The following DLG5 variants were observed in gnomAD, a reference collection of about 807,000 sequenced individuals.
The protein encoded by DLG5 is disks large homolog 5.
A neutral mutation model predicts 189.8 loss-of-function variants in DLG5; 48 were observed. The observed-to-expected ratio is 0.25, with a 90% CI of 0.20 to 0.32. The LOEUF (loss-of-function observed/expected upper bound fraction) is 0.32. DLG5 is among the 10% of genes least tolerant of loss of function. The pLI is 1.00. For synonymous variants in DLG5, 1,016 were observed against 1,054.1 expected, an observed-to-expected ratio of 0.96 and a Z score of 0.70; for missense variants, 2,160 against 2,544.7, an observed-to-expected ratio of 0.85 and a Z score of 3.25.
At chr10:77,909,487 C>G (rs1846155368) in intron 1 of DLG5, among the ~76,000 whole-genome samples, 1 of 151,752 alleles carries the variant, frequency 6.6e-6, no homozygotes, top group Admixed American at 6.6e-5. Context: ...ACATGTACCC[C>G]AGAACTTAAA....
chr10:77,912,411 G>C (rs1280313231), intron 1 of DLG5: 1 of 151,988 alleles, frequency 6.6e-6, no homozygotes, highest in African/African-American at 2.4e-5. Flanking sequence ...CCTGCTCCCA[G>C]GGTCACCATA....
Position 77,839,426 on chromosome 10 carries a change from G to A in DLG5, c.1437+2455C>T, listed in dbSNP as rs1020859341. 6.6e-5 allele frequency among the ~76,000 whole-genome samples: 10 copies of A among 152,188 alleles called. No individual in the cohort carries two copies. The East Asian group carries it at 1.4e-3, about 21-fold the overall frequency. ...TGAGGCAAGAGGATCGCTGGAACCC[G>A]GCAGGTGGAGGTTGTAGTGAGCCGA... On this transcript the variant is annotated intron_variant, in intron 7 of 31. Coordinates refer to ENST00000372391, the MANE Select transcript of DLG5 (RefSeq NM_004747.4).
At chr10:77,869,482 G>A in intron 1 of DLG5, 1 of 437,166 alleles carries the variant, frequency 2.3e-6, no homozygotes. Context: ...CTGGGGAAAG[G>A]CTTAGCAAGG....
chr10:77,826,399 G>C (rs1271515881), intron 13 of DLG5, among the ~76,000 whole-genome samples: 2 of 151,944 alleles, frequency 1.3e-5, no homozygotes, highest in African/African-American at 4.8e-5. Context: ...GAGGCTGAGG[G>C]CAGATCGTTT....
intron 1 of DLG5, among the ~76,000 whole-genome samples, chr10:77,916,184 C>T (rs1846351893): frequency 6.6e-6 from 1 of 152,138 alleles, no homozygotes; most frequent in East Asian, 1.9e-4. Flanking sequence ...CATGCCACTG[C>T]ACTCAGCCCA....
At chr10:77,915,723 TGAAA>T (rs1846338940) in intron 1 of DLG5, among the ~76,000 whole-genome samples, 2 of 152,318 alleles carry the variant, frequency 1.3e-5, no homozygotes, top group African/African-American at 4.8e-5. Context: ...CTAGGCCTTT[TGAAA>T]GAAAGTCTCA....
chr10:77,907,072 C>G (rs1846090399), intron 1 of DLG5, among the ~76,000 whole-genome samples: 1 of 152,160 alleles, frequency 6.6e-6, no homozygotes, highest in Non-Finnish European at 1.5e-5. Flanking sequence ...TCAAGTTGCT[C>G]TAAAGGTTGC....
chr10:77,921,944 T>C (rs1846547133), intron 1 of DLG5, among the ~76,000 whole-genome samples: 1 of 151,992 alleles, frequency 6.6e-6, no homozygotes. Flanking sequence ...ACTTGAGGAG[T>C]CCCACATTTA....
At chr10:77,885,499 C>G (rs572425774) in intron 1 of DLG5, among the ~76,000 whole-genome samples, 2 of 152,226 alleles carry the variant, frequency 1.3e-5, no homozygotes, top group South Asian at 2.1e-4. Context: ...AGAAAAAAAC[C>G]AAAATCCACA....
intron 1 of DLG5, among the ~76,000 whole-genome samples, chr10:77,890,544 C>A (rs1273571171): frequency 6.6e-6 from 1 of 152,126 alleles, no homozygotes; most frequent in African/African-American, 2.4e-5. Context: ...CGGCCGGGCA[C>A]GGTGGTTCAC....
chr10:77,821,420 T>C lies in DLG5; in HGVS notation c.3064A>G (p.Ile1022Val), dbSNP rs376637556. The C allele has an allele frequency of 1.7e-5, 28 of 1,612,618 alleles. No individual in the cohort carries two copies. The African/African-American group carries it at 3.6e-4, about 21-fold the overall frequency. ...PPKPPRRSDS[I>V]KFQHRLETSS... ...GTCTCCAGCCTGTGCTGGAACTTAATGGAGTCGCTCCTTCTGGGAGGTTTT... is the reference window on the plus strand; with the variant it reads ...GTCTCCAGCCTGTGCTGGAACTTAACGGAGTCGCTCCTTCTGGGAGGTTTT... Residue 1022 changes from isoleucine to valine, a missense_variant, in exon 15 of 32, where the codon ATT becomes GTT. Ile to Val is a conservative substitution (Grantham distance 29). This residue lies in a region of DLG5 where 754 missense variants were observed against 746.5 expected (regional missense o/e 1.01). Transcript: ENST00000372391.
intron 1 of DLG5, among the ~76,000 whole-genome samples, chr10:77,901,149 G>GA (rs1281959510): frequency 6.7e-6 from 1 of 149,572 alleles, no homozygotes; most frequent in African/African-American, 2.5e-5. Flanking sequence ...GAAGAAAAAA[G>GA]AAAAACAATC....
chr10:77,833,527 T>C (rs1420461997), intron 9 of DLG5, among the ~76,000 whole-genome samples: 1 of 149,298 alleles, frequency 6.7e-6, no homozygotes, highest in African/African-American at 2.5e-5. Flanking sequence ...ACAGAGCAGG[T>C]ACTTAAAAAA....
chr10:77,850,231 G>A (rs1420208075), intron 5 of DLG5, among the ~76,000 whole-genome samples: 1 of 152,144 alleles, frequency 6.6e-6, no homozygotes, highest in Non-Finnish European at 1.5e-5. Flanking sequence ...GCCCAAGACA[G>A]CCACAAATCT....
At chr10:77,834,277 A>G (rs547630805) in intron 8 of DLG5, among the ~76,000 whole-genome samples, 2 of 152,244 alleles carry the variant, frequency 1.3e-5, no homozygotes, top group East Asian at 1.9e-4. Flanking sequence ...TCACCCGGCA[A>G]CAAGTGTCAG....
intron 3 of DLG5, among the ~76,000 whole-genome samples, chr10:77,855,256 T>C (rs1844175188): frequency 6.6e-6 from 1 of 152,194 alleles, no homozygotes; most frequent in Admixed American, 6.5e-5. Flanking sequence ...TGCAGCACAG[T>C]ATCACCTGGG....
At chr10:77,905,324 C>T (rs1413182519) in intron 1 of DLG5, among the ~76,000 whole-genome samples, 1 of 152,086 alleles carries the variant, frequency 6.6e-6, no homozygotes, top group Admixed American at 6.6e-5. Context: ...TATGTAGTAT[C>T]ACAAGCTCAA....
intron 1 of DLG5, among the ~76,000 whole-genome samples, chr10:77,896,383 G>C (rs188434912): frequency 7.3e-4 from 111 of 152,318 alleles, no homozygotes; most frequent in Middle Eastern, 6.8e-3. Flanking sequence ...CATCAGTGCT[G>C]AGGTTCTTGG....
intron 2 of DLG5, among the ~76,000 whole-genome samples, chr10:77,865,869 C>CGAGACCCGACA (rs1028715644): frequency 7.9e-5 from 12 of 151,964 alleles, no homozygotes; most frequent in Admixed American, 7.2e-4. Context: ...GCTGGAGATC[C>CGAGACCCGACA]GAGACCCGAC....
Sources: gnomAD v4.1 joint callset for allele counts (sites outside exome capture counted in the v4.1 genomes callset) on GRCh38, gnomAD v4.1.1 for gene constraint, gnomAD v4.1.1 regional missense constraint, MANE v1.5 for transcripts, NCBI Gene and HGNC (gene_info 2026-07-23, HGNC 2026-07-21) for gene names.